MMS22L: variants seen among roughly 807,000 people sequenced by gnomAD.
MMS22L encodes MMS22 like, DNA repair protein.
A neutral mutation model predicts 159.1 loss-of-function variants in MMS22L; 74 were observed. That is an observed-to-expected ratio of 0.47 (90% confidence interval 0.39 to 0.56). The LOEUF (loss-of-function observed/expected upper bound fraction) is 0.56, where lower values mean the gene tolerates loss of function less well. Among genes scored for constraint, MMS22L ranks in the 20% least tolerant of loss-of-function variants. The probability of loss-of-function intolerance (pLI) is 0.00; values close to 1 mark genes in which losing one functional copy is unlikely to be tolerated. For synonymous variants in MMS22L, 517 were observed against 506.9 expected (o/e 1.02, Z -0.27); for missense variants, 1,351 against 1,422.1 (o/e 0.95, Z 0.80).
intron 18 of MMS22L, among the ~76,000 whole-genome samples, chr6:97,173,695 C>T (rs146024857): frequency 6.6e-6 from 1 of 151,984 alleles, no homozygotes; most frequent in Non-Finnish European, 1.5e-5. Context: ...TATATGAATT[C>T]ACTTTTCTTC....
At chr6:97,197,159 GGCT>G (rs1462910373) in intron 14 of MMS22L, among the ~76,000 whole-genome samples, 3 of 152,152 alleles carry the variant, frequency 2.0e-5, no homozygotes, top group African/African-American at 7.2e-5. Context: ...CCACAATTAA[GGCT>G]TGGGTACATC....
Position 97,229,731 on chromosome 6 carries a change from A to G in MMS22L, c.1530-328T>C, listed in dbSNP as rs553460118. ...CCTTTCTTTTCTTATTTTGATTAGT[A>G]AATAAGAAAGAATATATAATCTTTT... is the stretch of plus-strand genomic sequence containing the variant. On this transcript the variant is annotated intron_variant, in intron 13 of 24. Transcript: ENST00000683635. Among the ~76,000 whole-genome samples, 7 of 152,294 alleles carry G rather than the reference A, an allele frequency of 4.6e-5. No individual in the cohort carries two copies. In the South Asian group the frequency reaches 1.4e-3, roughly 32 times the overall value.
chr6:97,198,650 T>C (rs1806806987), intron 14 of MMS22L, among the ~76,000 whole-genome samples: 1 of 152,108 alleles, frequency 6.6e-6, no homozygotes, highest in Admixed American at 6.6e-5. Context: ...CAAAGAATTT[T>C]ATTAGAAATA....
At chr6:97,226,006 C>T (rs1435366134) in intron 14 of MMS22L, among the ~76,000 whole-genome samples, 4 of 152,106 alleles carry the variant, frequency 2.6e-5, no homozygotes, top group South Asian at 2.1e-4. Context: ...AATTTGGTAA[C>T]ATCTATTCAC....
intron 14 of MMS22L, among the ~76,000 whole-genome samples, chr6:97,224,005 T>C (rs189777535): frequency 2.6e-5 from 4 of 152,302 alleles, no homozygotes; most frequent in Non-Finnish European, 5.9e-5. Flanking sequence ...GGGTTTTTTA[T>C]GGCAATTGTT....
chr6:97,281,505 G>T, intron 2 of MMS22L, 143 bp from the exon 3 acceptor site: 1 of 606,172 alleles, frequency 1.6e-6, no homozygotes. Context: ...ACACATTCAA[G>T]ATTACAATAG....
intron 14 of MMS22L, among the ~76,000 whole-genome samples, chr6:97,198,400 G>A (rs770309622): frequency 7.9e-5 from 12 of 152,186 alleles, no homozygotes; most frequent in Admixed American, 2.0e-4. Context: ...GGCTCCAGAC[G>A]TGGTAGAGCA....
intron 16 of MMS22L, among the ~76,000 whole-genome samples, chr6:97,179,958 A>C (rs372939542): frequency 6.6e-6 from 1 of 152,228 alleles, no homozygotes; most frequent in African/African-American, 2.4e-5. Context: ...ATAAGTAAAC[A>C]GAGAAGTAGT....
rs376170144 is a variant in MMS22L, at chr6:97,226,926, T to C, written c.2039+1968A>G. Among the ~76,000 whole-genome samples, 11 of 152,060 alleles carry C rather than the reference T, an allele frequency of 7.2e-5. No individual in the cohort carries two copies. The South Asian group carries it at 8.3e-4, about 11-fold the overall frequency. ...CCTAGTTGTGACAACCAAAAATGTC[T>C]CCAGGCATCCAAATGTTCCCTGGGG... On this transcript the variant is annotated intron_variant, in intron 14 of 24. Transcript: ENST00000683635.
rs573686611 is a variant in MMS22L at position 97,238,013 on chromosome 6, G to A, written c.1183-4033C>T. Among the ~76,000 whole-genome samples the A allele has an allele frequency of 2.6e-5, 4 of 152,202 alleles. No individual in the cohort carries two copies. The South Asian group carries it at 6.2e-4, about 24-fold the overall frequency. ...AACTATAAAAAATATGCAAAGTTTG[G>A]GAAAAGCAAAAGTATGAATGCTAGG... On this transcript the variant is annotated intron_variant, in intron 11 of 24. Coordinates refer to ENST00000683635, the MANE Select transcript of MMS22L (RefSeq NM_001350599.2).
intron 14 of MMS22L, among the ~76,000 whole-genome samples, chr6:97,214,879 A>G (rs933916981): frequency 6.6e-6 from 1 of 150,896 alleles, no homozygotes; most frequent in Non-Finnish European, 1.5e-5. Flanking sequence ...TTGTTTGCAC[A>G]GTCCTGTTAC....
chr6:97,154,173 G>A lies in MMS22L; in HGVS notation c.3386-2306C>T, dbSNP rs182401384. ...TTATAGCCAACCTTGTGGGTATGAAGTGATATCTCGGGGTAGTTTTGATAT... is the reference window on the plus strand; with the variant it reads ...TTATAGCCAACCTTGTGGGTATGAAATGATATCTCGGGGTAGTTTTGATAT... On this transcript the variant is annotated intron_variant, in intron 22 of 24. Transcript: ENST00000683635. Among the ~76,000 whole-genome samples the A allele has an allele frequency of 3.9e-5, 6 of 152,254 alleles. No homozygotes were observed. In the East Asian group the frequency reaches 1.2e-3, roughly 29 times the overall value.
At chr6:97,147,516 TA>T (rs1800977002) in intron 24 of MMS22L, among the ~76,000 whole-genome samples, 1 of 152,178 alleles carries the variant, frequency 6.6e-6, no homozygotes, top group African/African-American at 2.4e-5. Flanking sequence ...CCACACAAGG[TA>T]GTAGGCCAGA....
At chr6:97,278,080 G>A (rs1816414725) in intron 4 of MMS22L, among the ~76,000 whole-genome samples, 1 of 152,144 alleles carries the variant, frequency 6.6e-6, no homozygotes, top group Non-Finnish European at 1.5e-5. Flanking sequence ...CAGCCAGACT[G>A]CACTAAAACA....
chr6:97,277,230 T>C (rs542959208), intron 4 of MMS22L, among the ~76,000 whole-genome samples: 1 of 152,034 alleles, frequency 6.6e-6, no homozygotes, highest in South Asian at 2.1e-4. Context: ...CTGACCAACA[T>C]GGTGAAACCC....
intron 14 of MMS22L, among the ~76,000 whole-genome samples, chr6:97,202,143 G>A (rs913833811): frequency 6.6e-6 from 1 of 152,036 alleles, no homozygotes; most frequent in Non-Finnish European, 1.5e-5. Flanking sequence ...CATATATTTT[G>A]CTGTGTACTA....
chr6:97,152,809 CT>C (rs35792685), intron 22 of MMS22L, among the ~76,000 whole-genome samples: 26 of 142,150 alleles, frequency 1.8e-4, no homozygotes, highest in East Asian at 6.1e-4. Flanking sequence ...ACTGAACTAC[CT>C]TTTTTTTTTT....
At chr6:97,280,477 C>T (rs112428059) in intron 3 of MMS22L, among the ~76,000 whole-genome samples, 2,532 of 152,072 alleles carry the variant, frequency 0.017, 29 homozygotes, top group Non-Finnish European at 0.028. Context: ...GGATTACAGA[C>T]GCATGCCATC....
At chr6:97,199,761 A>C (rs1451401099) in intron 14 of MMS22L, among the ~76,000 whole-genome samples, 2 of 151,794 alleles carry the variant, frequency 1.3e-5, no homozygotes, top group African/African-American at 4.8e-5. Context: ...GTACCTAGGG[A>C]TATTTTTTAA....
Sources: allele counts gnomAD v4.1 joint callset (sites outside exome capture counted in the v4.1 genomes callset), GRCh38; gene constraint gnomAD v4.1.1; transcripts MANE v1.5; gene names NCBI Gene and HGNC (gene_info 2026-07-23, HGNC 2026-07-21).